The following EXT2 variants were observed in gnomAD, a reference collection of about 807,000 sequenced individuals.
EXT2 encodes exostosin-2.
Under a neutral mutation model 81.6 loss-of-function variants are expected in EXT2, and 53 were observed. The ratio of observed to expected loss-of-function variants is 0.65; its 90% confidence interval spans 0.52 to 0.82. EXT2 has a LOEUF of 0.82. Ranked by LOEUF, EXT2 falls within the 40% of genes least tolerant of loss-of-function variation. The probability of loss-of-function intolerance (pLI) is 0.00; values close to 1 mark genes in which losing one functional copy is unlikely to be tolerated. For synonymous variants in EXT2, 320 were observed against 340.0 expected, an observed-to-expected ratio of 0.94 and a Z score of 0.65; for missense variants, 774 against 910.2, an observed-to-expected ratio of 0.85 and a Z score of 1.93.
At chr11:44,163,944 C>A (rs2135111495) in intron 7 of EXT2, among the ~76,000 whole-genome samples, 1 of 152,312 alleles carries the variant, frequency 6.6e-6, no homozygotes. Context: ...TTCTCCACTT[C>A]CCCCTCTCTC....
At chr11:44,192,486 A>T (rs1299145281) in intron 8 of EXT2, among the ~76,000 whole-genome samples, 1 of 152,154 alleles carries the variant, frequency 6.6e-6, no homozygotes, top group African/African-American at 2.4e-5. Flanking sequence ...TGACTGAATG[A>T]ATGAGTACCA....
At chr11:44,187,628 G>A (rs1955335020) in intron 8 of EXT2, among the ~76,000 whole-genome samples, 1 of 152,100 alleles carries the variant, frequency 6.6e-6, no homozygotes, top group Non-Finnish European at 1.5e-5. Flanking sequence ...TGTATCACAT[G>A]GAAACATAAA....
chr11:44,102,168 C>A (rs936550012), intron 1 of EXT2, among the ~76,000 whole-genome samples: 1 of 152,114 alleles, frequency 6.6e-6, no homozygotes, highest in African/African-American at 2.4e-5. Flanking sequence ...AAGGGAACTG[C>A]AGATCTTTAT....
At chr11:44,230,733 C>T (rs1371451577) in intron 10 of EXT2, among the ~76,000 whole-genome samples, 2 of 152,178 alleles carry the variant, frequency 1.3e-5, no homozygotes, top group Non-Finnish European at 2.9e-5. Flanking sequence ...GGAGCATGGC[C>T]TTAATAACGC....
intron 1 of EXT2, 138 bp downstream of exon 1, chr11:44,095,990 A>G: frequency 2.0e-6 from 1 of 502,960 alleles, no homozygotes; most frequent in Non-Finnish European, 3.7e-6. Flanking sequence ...GTGGGCTGCG[A>G]GAGGCCACCC....
At chr11:44,141,506 T>C (rs1320732256) in intron 7 of EXT2, among the ~76,000 whole-genome samples, 1 of 152,254 alleles carries the variant, frequency 6.6e-6, no homozygotes, top group Non-Finnish European at 1.5e-5. Context: ...TGATATCATC[T>C]AATTAGTTAA....
intron 11 of EXT2, 125 bp from the exon 12 acceptor site, chr11:44,233,990 T>C: frequency 7.3e-7 from 1 of 1,379,310 alleles, no homozygotes; most frequent in Non-Finnish European, 1.0e-6. Context: ...TTCCTATTAA[T>C]ACAGCCTTGT....
chr11:44,204,081 G>A (rs1295333880), intron 9 of EXT2, among the ~76,000 whole-genome samples: 3 of 152,098 alleles, frequency 2.0e-5, no homozygotes, highest in Non-Finnish European at 4.4e-5. Flanking sequence ...TAATGTTGTG[G>A]TACCCAAATC....
intron 7 of EXT2, among the ~76,000 whole-genome samples, chr11:44,164,814 A>G (rs1251956319): frequency 1.3e-5 from 2 of 151,658 alleles, no homozygotes; most frequent in Non-Finnish European, 2.9e-5. Flanking sequence ...TCAACTGTGT[A>G]CCTTCCACAG....
At chr11:44,115,421 G>A (rs185231464) in intron 4 of EXT2, among the ~76,000 whole-genome samples, 1 of 152,274 alleles carries the variant, frequency 6.6e-6, no homozygotes, top group East Asian at 1.9e-4. Flanking sequence ...ATGTGAGGGA[G>A]TAAATGAAAA....
intron 7 of EXT2, among the ~76,000 whole-genome samples, chr11:44,147,941 G>A (rs1261012913): frequency 6.6e-6 from 1 of 152,050 alleles, no homozygotes; most frequent in African/African-American, 2.4e-5. Context: ...AGGGAATTGT[G>A]AGCTGAGCAT....
intron 10 of EXT2, among the ~76,000 whole-genome samples, chr11:44,227,907 T>G (rs1201707377): frequency 1.3e-5 from 2 of 152,222 alleles, no homozygotes; most frequent in Non-Finnish European, 2.9e-5. Context: ...GTTGGGTTAA[T>G]AAACATCTCA....
intron 5 of EXT2, 59 bp from the exon 6 acceptor site, chr11:44,126,757 C>A (rs1954410527): frequency 1.9e-6 from 3 of 1,612,538 alleles, no homozygotes; most frequent in East Asian, 4.5e-5. Context: ...CTGTAGGGAT[C>A]AAAGTTAGTG....
At chr11:44,214,401 A>T (rs1208282999) in intron 10 of EXT2, among the ~76,000 whole-genome samples, 1 of 152,146 alleles carries the variant, frequency 6.6e-6, no homozygotes, top group East Asian at 1.9e-4. Flanking sequence ...AGCGTGAGCC[A>T]CCATGCCCGG....
At chr11:44,240,671 A>G (rs1486467939) in intron 13 of EXT2, among the ~76,000 whole-genome samples, 1 of 152,226 alleles carries the variant, frequency 6.6e-6, no homozygotes, top group Non-Finnish European at 1.5e-5. Flanking sequence ...TATGCTTTTG[A>G]GAAATTTAAC....
chr11:44,138,792 TTC>T, intron 7 of EXT2, among the ~76,000 whole-genome samples: 1 of 152,206 alleles, frequency 6.6e-6, no homozygotes, highest in Non-Finnish European at 1.5e-5. Context: ...GTTTTGTAGC[TTC>T]TGTTTTCTTA....
chr11:44,129,328 A>G (rs569498815), intron 6 of EXT2, among the ~76,000 whole-genome samples: 3 of 152,338 alleles, frequency 2.0e-5, no homozygotes, highest in African/African-American at 7.2e-5. Context: ...CAAGTCTTTC[A>G]GTGGCCTACA....
chr11:44,222,169 A>G (rs989403665), intron 10 of EXT2, among the ~76,000 whole-genome samples: 7 of 152,202 alleles, frequency 4.6e-5, no homozygotes, highest in African/African-American at 1.7e-4. Context: ...TAGGTTCCCA[A>G]CCAGCATTTA....
intron 10 of EXT2, among the ~76,000 whole-genome samples, chr11:44,218,793 C>CTT (rs11368525): frequency 0.076 from 7,055 of 92,252 alleles, 926 homozygotes; most frequent in Admixed American, 0.11. Context: ...ATCTGCAATT[C>CTT]TTTTTTTTTT....
Sources: allele counts gnomAD v4.1 joint callset (sites outside exome capture counted in the v4.1 genomes callset), GRCh38; gene constraint gnomAD v4.1.1; transcripts MANE v1.5; gene names NCBI Gene and HGNC (gene_info 2026-07-23, HGNC 2026-07-21).